Variants in SCRG1 observed in about 807,000 individuals in gnomAD.
SCRG1 encodes stimulator of chondrogenesis 1, also known as scrapie-responsive protein 1.
In SCRG1, 3 loss-of-function variants were observed where a neutral mutation model predicts 7.7. The observed-to-expected ratio is 0.39, with a 90% CI of 0.18 to 1.01. The LOEUF is 1.01. Among genes scored for constraint, SCRG1 ranks in the 50% least tolerant of loss-of-function variants. SCRG1 has a pLI of 0.36. For missense variants in SCRG1, 110 were observed against 117.2 expected (o/e 0.94, Z 0.28); for synonymous variants, 46 against 41.2 (o/e 1.12, Z -0.44).
At chr4:173,483,682 ATTATATTG>A in the SCRG1 span, among the ~76,000 whole-genome samples, 22 of 9,974 alleles carry the variant, frequency 2.2e-3, 3 homozygotes, top group East Asian at 7.9e-3. Context: ...TATATGATAT[ATTATATTG>A]TGATATATCA....
At chr4:173,488,839 G>C in the SCRG1 span, among the ~76,000 whole-genome samples, 1 of 152,288 alleles carries the variant, frequency 6.6e-6, no homozygotes, top group East Asian at 1.9e-4. Context: ...GTGGACACTA[G>C]GGAAGCTAGC....
At chr4:173,507,368 C>G in the SCRG1 span, among the ~76,000 whole-genome samples, 1 of 152,152 alleles carries the variant, frequency 6.6e-6, no homozygotes, top group Non-Finnish European at 1.5e-5. The surrounding 1 kb of genome is among the most constrained non-coding windows in gnomAD (Gnocchi z 4.4). Context: ...TGCCACCACG[C>G]CCGGCTAATT....
the SCRG1 span, among the ~76,000 whole-genome samples, chr4:173,456,714 A>T: frequency 6.6e-6 from 1 of 151,564 alleles, no homozygotes; most frequent in East Asian, 1.9e-4. Context: ...GAGAATATGT[A>T]CAAAAATTAG....
At chr4:173,451,170 A>G in the SCRG1 span, among the ~76,000 whole-genome samples, 2 of 151,778 alleles carry the variant, frequency 1.3e-5, no homozygotes, top group African/African-American at 4.8e-5. Flanking sequence ...TCCAGTGTAT[A>G]TATCAACAGC....
chr4:173,471,356 C>T, the SCRG1 span, among the ~76,000 whole-genome samples: 47,733 of 152,010 alleles, frequency 0.31, 7,766 homozygotes, highest in South Asian at 0.47. Context: ...TGGGCCTGAC[C>T]GCTGGCATTA....
the SCRG1 span, among the ~76,000 whole-genome samples, chr4:173,455,684 T>C: frequency 6.6e-6 from 1 of 152,052 alleles, no homozygotes; most frequent in Non-Finnish European, 1.5e-5. Flanking sequence ...CTGTCACATG[T>C]GAAAAAAGCA....
the SCRG1 span, among the ~76,000 whole-genome samples, chr4:173,461,861 G>A: frequency 7.8e-6 from 1 of 127,762 alleles, no homozygotes; most frequent in South Asian, 2.5e-4. Context: ...ATTGAAGAAA[G>A]ACATTGAAAT....
chr4:173,404,307 G>A (rs1346471572), exon 2 of SCRG1: 1 of 152,194 alleles, frequency 6.6e-6, no homozygotes, highest in African/African-American at 2.4e-5. Flanking sequence ...AATCACACCT[G>A]CTCTCTGTGA....
the SCRG1 span, among the ~76,000 whole-genome samples, chr4:173,507,880 G>A: frequency 1.3e-5 from 2 of 152,248 alleles, no homozygotes; most frequent in African/African-American, 4.8e-5. The surrounding 1 kb of genome is among the most constrained non-coding windows in gnomAD (Gnocchi z 4.4). Context: ...GGAAAACGGA[G>A]AGTTTCCAAA....
the SCRG1 span, among the ~76,000 whole-genome samples, chr4:173,507,668 A>G: frequency 6.6e-6 from 1 of 152,172 alleles, no homozygotes. The surrounding 1 kb of genome is among the most constrained non-coding windows in gnomAD (Gnocchi z 4.4). Context: ...CCACCACCAG[A>G]ACCACCATCA....
chr4:173,518,997 C>T, the SCRG1 span, among the ~76,000 whole-genome samples: 340 of 152,134 alleles, frequency 2.2e-3, 22 homozygotes, highest in South Asian at 0.069. Flanking sequence ...CTTCGGGGCC[C>T]TTCGGTGCTG....
At chr4:173,405,549 A>G (rs1328281557) in intron 1 of SCRG1, among the ~76,000 whole-genome samples, 1 of 152,174 alleles carries the variant, frequency 6.6e-6, no homozygotes, top group East Asian at 1.9e-4. Context: ...AACTACATAA[A>G]TTTTGGAGAA....
the SCRG1 span, among the ~76,000 whole-genome samples, chr4:173,442,917 C>T: frequency 6.6e-6 from 1 of 152,118 alleles, no homozygotes; most frequent in East Asian, 1.9e-4. Flanking sequence ...ATTACACAGG[C>T]AATTAAATTT....
chr4:173,517,091 A>T, the SCRG1 span, among the ~76,000 whole-genome samples: 3 of 152,348 alleles, frequency 2.0e-5, no homozygotes, highest in East Asian at 5.8e-4. Context: ...CCCGGCGCCC[A>T]GGCCGCCACT....
chr4:173,392,204 T>C (rs866682497), intron 1 of SCRG1, among the ~76,000 whole-genome samples: 10 of 152,212 alleles, frequency 6.6e-5, no homozygotes, highest in Admixed American at 1.3e-4. Context: ...TGATAGTGTA[T>C]AGATATATTT....
the SCRG1 span, among the ~76,000 whole-genome samples, chr4:173,494,446 A>G: frequency 6.6e-6 from 1 of 152,348 alleles, no homozygotes; most frequent in Non-Finnish European, 1.5e-5. Flanking sequence ...CTATGTTTCC[A>G]AAGAGCGGAG....
chr4:173,503,383 G>A, the SCRG1 span, among the ~76,000 whole-genome samples: 19 of 152,146 alleles, frequency 1.2e-4, no homozygotes, highest in Admixed American at 1.0e-3. This position sits in a 1 kb window ranked among gnomAD's most constrained non-coding sequence, Gnocchi z 6.4. Context: ...TTCAGACCTT[G>A]TCCACCAAAG....
At chr4:173,444,623 G>A in the SCRG1 span, among the ~76,000 whole-genome samples, 1 of 151,408 alleles carries the variant, frequency 6.6e-6, no homozygotes, top group South Asian at 2.1e-4. Context: ...TCCCTCAACA[G>A]TGACTTGGTC....
chr4:173,483,504 C>CATATTA, the SCRG1 span, among the ~76,000 whole-genome samples: 1 of 22,510 alleles, frequency 4.4e-5, no homozygotes, highest in Non-Finnish European at 7.9e-5. Context: ...ATATTATATT[C>CATATTA]TGATATATAA....
Sources: gnomAD v4.1 joint callset for allele counts (sites outside exome capture counted in the v4.1 genomes callset) on GRCh38, gnomAD v4.1.1 for gene constraint, Gnocchi (gnomAD v3.1) non-coding constraint, MANE v1.5 for transcripts, NCBI Gene and HGNC (gene_info 2026-07-23, HGNC 2026-07-21) for gene names.